The following SGCD variants were observed in gnomAD, a reference collection of about 807,000 sequenced individuals.
SGCD encodes the protein sarcoglycan delta, also known as delta-sarcoglycan.
Under a neutral mutation model 36.6 loss-of-function variants are expected in SGCD, and 18 were observed. The ratio of observed to expected loss-of-function variants is 0.49; its 90% CI spans 0.34 to 0.73. The LOEUF is 0.73. SGCD is among the 30% of genes least tolerant of loss of function. The pLI is 0.01. For missense variants in SGCD, 387 were observed against 346.7 expected (o/e 1.12, Z -0.92); for synonymous variants, 133 against 130.6 (o/e 1.02, Z -0.12).
chr5:156,616,746 A>G (rs1032197118), intron 6 of SGCD, among the ~76,000 whole-genome samples: 7 of 152,180 alleles, frequency 4.6e-5, no homozygotes, highest in East Asian at 1.9e-4. Flanking sequence ...CTTTATAAAA[A>G]CAGCATGTTC....
chr5:156,677,353 A>G (rs1481074088), intron 7 of SGCD, among the ~76,000 whole-genome samples: 1 of 152,226 alleles, frequency 6.6e-6, no homozygotes, highest in African/African-American at 2.4e-5. Flanking sequence ...GAATGGGTTC[A>G]TGTCCTTTGC....
the SGCD span, among the ~76,000 whole-genome samples, chr5:155,744,178 C>A: frequency 6.6e-6 from 1 of 151,928 alleles, no homozygotes; most frequent in East Asian, 1.9e-4. Flanking sequence ...TTTGAAGGAG[C>A]GGGCCAGGTG....
intron 7 of SGCD, among the ~76,000 whole-genome samples, chr5:156,737,014 C>T (rs904262540): frequency 6.6e-6 from 1 of 152,096 alleles, no homozygotes; most frequent in Non-Finnish European, 1.5e-5. Flanking sequence ...AGTAGGTAAG[C>T]TAGTTACTAA....
chr5:156,524,335 G>T (rs1757561424), intron 4 of SGCD, among the ~76,000 whole-genome samples: 1 of 145,168 alleles, frequency 6.9e-6, no homozygotes, highest in Non-Finnish European at 1.5e-5. Flanking sequence ...AAACTAGGAT[G>T]ATTTCATAGG....
intron 6 of SGCD, among the ~76,000 whole-genome samples, chr5:156,629,654 G>T (rs1057413549): frequency 3.9e-5 from 6 of 152,114 alleles, no homozygotes; most frequent in African/African-American, 1.2e-4. Context: ...AAATATTTTA[G>T]GTTTATGGAC....
chr5:156,424,619 G>A (rs943340686), intron 3 of SGCD, among the ~76,000 whole-genome samples: 3 of 151,958 alleles, frequency 2.0e-5, no homozygotes, highest in Non-Finnish European at 4.4e-5. Flanking sequence ...TATTGCATGC[G>A]TTTTTATTTG....
At chr5:155,786,152 T>A in the SGCD span, among the ~76,000 whole-genome samples, 1 of 152,184 alleles carries the variant, frequency 6.6e-6, no homozygotes, top group African/African-American at 2.4e-5. Context: ...TGCAATAATA[T>A]CTCCTTTTTG....
intron 3 of SGCD, among the ~76,000 whole-genome samples, chr5:156,199,492 C>T (rs1764093312): frequency 6.6e-6 from 1 of 152,074 alleles, no homozygotes; most frequent in South Asian, 2.1e-4. Context: ...TCTCACCAAC[C>T]TCAAACTCCA....
intron 4 of SGCD, among the ~76,000 whole-genome samples, chr5:156,553,040 G>T (rs1341077609): frequency 6.6e-6 from 1 of 152,208 alleles, no homozygotes; most frequent in Non-Finnish European, 1.5e-5. Flanking sequence ...GCCTCAGGCT[G>T]CTTCCAAAAG....
intron 7 of SGCD, among the ~76,000 whole-genome samples, chr5:156,682,087 C>G (rs1006163515): frequency 6.6e-6 from 1 of 152,188 alleles, no homozygotes; most frequent in Non-Finnish European, 1.5e-5. Flanking sequence ...TGCATTTTCT[C>G]TCTGGTATAT....
At chr5:155,945,234 A>C (rs1297533116) in intron 1 of SGCD, among the ~76,000 whole-genome samples, 1 of 152,232 alleles carries the variant, frequency 6.6e-6, no homozygotes, top group Non-Finnish European at 1.5e-5. Flanking sequence ...ACTGGCTTGG[A>C]GTAGACATTC....
intron 3 of SGCD, among the ~76,000 whole-genome samples, chr5:156,154,361 A>C (rs1762898796): frequency 6.6e-6 from 1 of 151,738 alleles, no homozygotes; most frequent in Non-Finnish European, 1.5e-5. Flanking sequence ...AAGAAAGCTT[A>C]GAACTCCCTA....
At chr5:156,484,060 C>G (rs1755555602) in intron 3 of SGCD, among the ~76,000 whole-genome samples, 1 of 152,192 alleles carries the variant, frequency 6.6e-6, no homozygotes, top group Non-Finnish European at 1.5e-5. Flanking sequence ...GAGAAACAAA[C>G]TCCAGTGAAT....
At chr5:156,080,311 A>T (rs1444634869) in intron 1 of SGCD, among the ~76,000 whole-genome samples, 1 of 152,184 alleles carries the variant, frequency 6.6e-6, no homozygotes, top group Non-Finnish European at 1.5e-5. Flanking sequence ...TGTCTGGAAG[A>T]TCTGTGAAGT....
In SGCD at chr5:156,759,390, A is replaced by C; in HGVS notation, c.873A>C (p.Ter291CysextTer18). ...TCQINTSVCL[*>C] is the part of the protein sequence containing the mutation. ...AGATAAACACAAGTGTCTGCCTCTG[A>C]AAGACTATCCATAGTGGACATTGTT... is the stretch of plus-strand genomic sequence containing the variant. Residue 291 changes from the stop codon to cysteine (C), a stop_lost, in exon 9 of 9, where the codon TGA becomes TGC. Coordinates refer to ENST00000337851, the MANE Select transcript of SGCD (RefSeq NM_000337.6). The C allele has an allele frequency of 6.2e-7, 1 of 1,604,298 alleles. No individual in the cohort carries two copies. Among genetic ancestry groups the C allele is most frequent in the Non-Finnish European group, 8.5e-7 (1 of 1,172,812 alleles).
chr5:155,768,306 A>G, the SGCD span, among the ~76,000 whole-genome samples: 2 of 145,636 alleles, frequency 1.4e-5, no homozygotes, highest in Non-Finnish European at 3.0e-5. Context: ...TTTTTTTCCT[A>G]AACTATTTTG....
chr5:156,347,138 T>C (rs991320250), intron 3 of SGCD, among the ~76,000 whole-genome samples: 1 of 152,006 alleles, frequency 6.6e-6, no homozygotes, highest in African/African-American at 2.4e-5. Flanking sequence ...TTCAGAGAAA[T>C]GTTTAATCAG....
the SGCD span, among the ~76,000 whole-genome samples, chr5:155,743,682 C>T: frequency 6.6e-6 from 1 of 152,182 alleles, no homozygotes; most frequent in African/African-American, 2.4e-5. Flanking sequence ...ACTGCTAGGC[C>T]TGGAGCAAGT....
intron 6 of SGCD, among the ~76,000 whole-genome samples, chr5:156,599,658 G>T (rs1395128686): frequency 6.6e-6 from 1 of 152,150 alleles, no homozygotes; most frequent in East Asian, 1.9e-4. Context: ...AAGACTAGAA[G>T]CTCAATTATT....
Sources: gnomAD v4.1 joint callset for allele counts (sites outside exome capture counted in the v4.1 genomes callset) on GRCh38, gnomAD v4.1.1 for gene constraint, MANE v1.5 for transcripts, NCBI Gene and HGNC (gene_info 2026-07-23, HGNC 2026-07-21) for gene names.